Variants in ESR1 observed in about 807,000 individuals in gnomAD.
ESR1 encodes estrogen receptor 1, also known as estrogen receptor.
A neutral mutation model predicts 52.7 loss-of-function variants in ESR1; 12 were observed. The ratio of observed to expected loss-of-function variants is 0.23; its 90% CI spans 0.15 to 0.37. The LOEUF (loss-of-function observed/expected upper bound fraction) is 0.37. Ranked by LOEUF, ESR1 falls within the 10% of genes least tolerant of loss-of-function variation. ESR1 has a pLI of 1.00. For missense variants in ESR1, 584 were observed against 779.7 expected, an observed-to-expected ratio of 0.75 and a Z score of 2.99; for synonymous variants, 305 against 316.8, an observed-to-expected ratio of 0.96 and a Z score of 0.39.
At chr6:151,950,181 A>G (rs1023331540) in intron 4 of ESR1, among the ~76,000 whole-genome samples, 1 of 152,232 alleles carries the variant, frequency 6.6e-6, no homozygotes, top group Admixed American at 6.5e-5. Context: ...CTGTAAGTCC[A>G]TTAAGCCTCT....
chr6:151,821,121 G>T (rs1283886339), intron 1 of ESR1, among the ~76,000 whole-genome samples: 5 of 152,088 alleles, frequency 3.3e-5, no homozygotes, highest in Admixed American at 6.6e-5. Context: ...ACAGAACCAG[G>T]GCTAGGTCCT....
intron 2 of ESR1, among the ~76,000 whole-genome samples, chr6:151,868,045 G>T (rs1790261468): frequency 1.3e-5 from 2 of 151,272 alleles, no homozygotes; most frequent in Admixed American, 1.3e-4. Context: ...GCATATGGAT[G>T]AATCTGTCAC....
intron 5 of ESR1, among the ~76,000 whole-genome samples, chr6:152,050,042 C>A (rs1380204797): frequency 6.6e-6 from 1 of 152,206 alleles, no homozygotes; most frequent in Non-Finnish European, 1.5e-5. Context: ...ATCCACTGGG[C>A]ACCACTGTTG....
intron 1 of ESR1, among the ~76,000 whole-genome samples, chr6:151,823,172 A>G (rs571189382): frequency 1.3e-5 from 2 of 152,326 alleles, no homozygotes; most frequent in East Asian, 3.9e-4. Context: ...TTTGTTGGTT[A>G]CATCTGGCAG....
chr6:151,898,384 A>ATTTTTT (rs371510396), intron 3 of ESR1, among the ~76,000 whole-genome samples: 2 of 101,232 alleles, frequency 2.0e-5, no homozygotes. Context: ...GGTTTTGTTC[A>ATTTTTT]TTTTTTTTTT....
At chr6:151,964,611 G>A (rs972468645) in intron 4 of ESR1, among the ~76,000 whole-genome samples, 1 of 150,756 alleles carries the variant, frequency 6.6e-6, no homozygotes, top group African/African-American at 2.4e-5. Flanking sequence ...GATGTCATCA[G>A]CAAACAGAGA....
Position 152,047,276 on chromosome 6 carries a change from G to A in ESR1, c.1236-13715G>A, listed in dbSNP as rs74632756. Among the ~76,000 whole-genome samples, 41 of 152,038 alleles carry A rather than the reference G, an allele frequency of 2.7e-4. No individual in the cohort carries two copies. The East Asian group carries it at 5.4e-3, about 20-fold the overall frequency. On this transcript the variant is annotated intron_variant, in intron 5 of 7. Transcript: ENST00000206249. ...CCTTCACCAACTAGCAAAGTGCTTA[G>A]GACCTAGTAAGAACCTGGTCAATTC... is the stretch of plus-strand genomic sequence containing the variant.
chr6:151,865,166 T>TAC (rs370789710), intron 2 of ESR1, among the ~76,000 whole-genome samples: 5 of 151,788 alleles, frequency 3.3e-5, no homozygotes, highest in East Asian at 1.9e-4. Context: ...ATTACATATG[T>TAC]ACACACACAC....
intron 4 of ESR1, among the ~76,000 whole-genome samples, chr6:151,962,861 G>T (rs767973062): frequency 6.6e-6 from 1 of 151,982 alleles, no homozygotes; most frequent in African/African-American, 2.4e-5. Context: ...TTTTAAAATT[G>T]TGCCTGTCCT....
At chr6:151,799,991 T>C (rs1325841365), upstream of ESR1, among the ~76,000 whole-genome samples, 1 of 152,202 alleles carries the variant, frequency 6.6e-6, no homozygotes, top group Non-Finnish European at 1.5e-5. Flanking sequence ...TCTTTGGCTC[T>C]TGAGTTACTT....
chr6:151,828,532 T>C (rs17081740), intron 1 of ESR1, among the ~76,000 whole-genome samples: 2,991 of 152,246 alleles, frequency 0.02, 92 homozygotes, highest in African/African-American at 0.066. Flanking sequence ...GATTTGGGAA[T>C]GTCATGTAAT....
At chr6:151,939,032 T>C (rs552639515) in intron 3 of ESR1, among the ~76,000 whole-genome samples, 1 of 152,200 alleles carries the variant, frequency 6.6e-6, no homozygotes, top group Non-Finnish European at 1.5e-5. Flanking sequence ...TTACATAACT[T>C]GAGCTATAAT....
At chr6:152,079,206 C>A (rs1192678428) in intron 6 of ESR1, among the ~76,000 whole-genome samples, 1 of 152,164 alleles carries the variant, frequency 6.6e-6, no homozygotes, top group African/African-American at 2.4e-5. Context: ...CCCCATGTAG[C>A]CTGACTGGGA....
In ESR1 at chr6:152,053,653, C is replaced by CCT. The variant is rs147485631; in HGVS notation, c.1236-7319_1236-7318dup. Among the ~76,000 whole-genome samples the CCT allele has an allele frequency of 8.3e-4, 122 of 147,802 alleles. No homozygotes were observed. The highest frequency in any genetic ancestry group is 8.1e-3 in the East Asian group (41 of 5,050). On this transcript the variant is annotated intron_variant, in intron 5 of 7. Coordinates refer to ENST00000206249, the MANE Select transcript of ESR1 (RefSeq NM_000125.4). This position sits in a 1 kb window ranked among gnomAD's most constrained non-coding sequence, Gnocchi z 4.1. ...TTCTTTCTGTCTCTGTCTCTGTCTG[C>CCT]CTCTCTCTCTCTCTCTCTCTTCCCT...
At chr6:151,701,606 T>C (rs1779803269) in intron 1 of ESR1, among the ~76,000 whole-genome samples, 1 of 151,426 alleles carries the variant, frequency 6.6e-6, no homozygotes, top group African/African-American at 2.4e-5. Flanking sequence ...TAGTGGATTA[T>C]GGCCTGTGCG....
At chr6:151,805,688 C>T (rs1333709310), upstream of ESR1, 2 of 152,160 alleles carry the variant, frequency 1.3e-5, no homozygotes, top group Admixed American at 1.3e-4. Flanking sequence ...CATCCACACA[C>T]TCTCTCTGCC....
intron 2 of ESR1, among the ~76,000 whole-genome samples, chr6:151,770,452 C>A (rs977811559): frequency 3.3e-5 from 5 of 151,762 alleles, no homozygotes; most frequent in South Asian, 2.1e-4. Context: ...AGGCATAATT[C>A]CAACGATTTC....
intron 2 of ESR1, among the ~76,000 whole-genome samples, chr6:151,721,567 C>T (rs1781465410): frequency 6.6e-6 from 1 of 152,146 alleles, no homozygotes; most frequent in African/African-American, 2.4e-5. Flanking sequence ...AGAACAGACC[C>T]ACCAACTCTT....
At chr6:151,903,428 G>C (rs1796975707) in intron 3 of ESR1, among the ~76,000 whole-genome samples, 1 of 152,096 alleles carries the variant, frequency 6.6e-6, no homozygotes, top group South Asian at 2.1e-4. Context: ...GACAGCTTTT[G>C]GTTCTAAACA....
Sources: gnomAD v4.1 joint callset for allele counts (sites outside exome capture counted in the v4.1 genomes callset) on GRCh38, gnomAD v4.1.1 for gene constraint, Gnocchi (gnomAD v3.1) non-coding constraint, MANE v1.5 for transcripts, NCBI Gene and HGNC (gene_info 2026-07-23, HGNC 2026-07-21) for gene names.